Variants in FAR2 observed in about 807,000 individuals in gnomAD.
FAR2 encodes fatty acyl-CoA reductase 2.
In FAR2, 19 loss-of-function variants were observed where a neutral mutation model predicts 56.0. The ratio of observed to expected loss-of-function variants is 0.34; its 90% CI spans 0.24 to 0.50. The LOEUF is 0.50. FAR2 is among the 20% of genes least tolerant of loss of function. FAR2 has a pLI of 0.98. For synonymous variants in FAR2, 219 were observed against 218.8 expected (o/e 1.00, Z -0.01); for missense variants, 508 against 642.2 (o/e 0.79, Z 2.26).
intron 1 of FAR2, among the ~76,000 whole-genome samples, chr12:29,259,982 C>T (rs1054603713): frequency 1.1e-4 from 17 of 152,204 alleles, no homozygotes; most frequent in African/African-American, 2.2e-4. Context: ...TGAAAGGAGG[C>T]CATGACCCAG....
At chr12:29,161,616 G>A (rs1949782688) in intron 1 of FAR2, among the ~76,000 whole-genome samples, 1 of 152,192 alleles carries the variant, frequency 6.6e-6, no homozygotes, top group Non-Finnish European at 1.5e-5. Flanking sequence ...TCTTGAGAAT[G>A]TCTTTTGTTA....
intron 1 of FAR2, among the ~76,000 whole-genome samples, chr12:29,267,986 T>G (rs1346829894): frequency 6.6e-6 from 1 of 152,228 alleles, no homozygotes; most frequent in Non-Finnish European, 1.5e-5. Flanking sequence ...CTTCAGAACT[T>G]AGCATAGAGT....
chr12:29,183,451 G>A (rs963391526), intron 1 of FAR2, among the ~76,000 whole-genome samples: 5 of 152,056 alleles, frequency 3.3e-5, no homozygotes, highest in South Asian at 2.1e-4. Context: ...AGCCCAATTC[G>A]AACTCAAGAT....
intron 1 of FAR2, among the ~76,000 whole-genome samples, chr12:29,155,025 G>A (rs1325136725): frequency 6.6e-6 from 1 of 152,202 alleles, no homozygotes; most frequent in Non-Finnish European, 1.5e-5. Flanking sequence ...CTGTTAATAG[G>A]CATTAAGTTG....
rs368373691 is a variant in FAR2, at chr12:29,293,283, C to G, written c.190-17C>G. 1.3e-6 allele frequency: 2 copies of G among 1,525,474 alleles called. No homozygotes were observed. The highest frequency in any genetic ancestry group is 1.8e-6 in the Non-Finnish European group (2 of 1,135,218). 94.5% of individuals were successfully genotyped at this position (1,525,474 alleles called of 1,614,324 possible). A position where few individuals can be genotyped will look rare whatever the true frequency, so the allele number is the denominator to read the frequency against. On this transcript the variant is annotated splice_polypyrimidine_tract_variant and intron_variant, in intron 2 of 11. Coordinates refer to ENST00000536681, the MANE Select transcript of FAR2 (RefSeq NM_001271783.2). ...ATGGTGCTATTTTTTGTATATTGAT[C>G]TATATTTATGTTTCAGCTATTTGAG...
chr12:29,246,463 C>T (rs988939153), intron 1 of FAR2, among the ~76,000 whole-genome samples: 1 of 152,154 alleles, frequency 6.6e-6, no homozygotes. Flanking sequence ...CTTAGCTCCA[C>T]ACCTTTACAA....
chr12:29,316,924 T>C lies in FAR2; in HGVS notation c.1039T>C (p.Phe347Leu). ...RPNANFTSNS[F>L]TSQYWNAVSH... ...AAATGCTAATTTTACCAGCAACAGC[T>C]TCACATCACAGTACTGGAATGCGGT... is the stretch of plus-strand genomic sequence containing the variant. Residue 347 changes from phenylalanine (F) to leucine (L), a missense_variant, in exon 9 of 12, where the codon TTC becomes CTC. Coordinates refer to ENST00000536681, the MANE Select transcript of FAR2 (RefSeq NM_001271783.2). 6.2e-7 allele frequency: 1 copy of C among 1,614,144 alleles called. No individual in the cohort carries two copies. Among genetic ancestry groups the C allele is most frequent in the African/African-American group, 1.3e-5 (1 of 75,052 alleles).
intron 1 of FAR2, among the ~76,000 whole-genome samples, chr12:29,173,761 C>A (rs1243391728): frequency 6.6e-6 from 1 of 152,108 alleles, no homozygotes; most frequent in Admixed American, 6.6e-5. Flanking sequence ...CCCCACACCC[C>A]CCCTACCCAA....
intron 1 of FAR2, among the ~76,000 whole-genome samples, chr12:29,192,197 C>T (rs184195801): frequency 5.9e-4 from 90 of 152,346 alleles, no homozygotes; most frequent in Middle Eastern, 3.4e-3. Flanking sequence ...GAATTGCACA[C>T]CACAGTGAAT....
intron 4 of FAR2, among the ~76,000 whole-genome samples, chr12:29,298,320 T>A: frequency 6.6e-6 from 1 of 151,350 alleles, no homozygotes; most frequent in African/African-American, 2.4e-5. Context: ...AAAAACTATA[T>A]AAAAAGTATT....
At chr12:29,203,247 C>A (rs1457107634) in intron 1 of FAR2, among the ~76,000 whole-genome samples, 2 of 152,136 alleles carry the variant, frequency 1.3e-5, no homozygotes, top group Non-Finnish European at 1.5e-5. Flanking sequence ...TTCTAACAAG[C>A]CAGGACTCTC....
chr12:29,252,129 G>A (rs1189878908), intron 1 of FAR2, among the ~76,000 whole-genome samples: 1 of 152,180 alleles, frequency 6.6e-6, no homozygotes, highest in African/African-American at 2.4e-5. Flanking sequence ...CTGGGTTGGG[G>A]TGGTCAACCA....
intron 1 of FAR2, among the ~76,000 whole-genome samples, chr12:29,180,370 T>C (rs1383607457): frequency 6.6e-6 from 1 of 152,158 alleles, no homozygotes; most frequent in Non-Finnish European, 1.5e-5. Flanking sequence ...GTGCGCAAAA[T>C]GCCTCTGAGT....
At position 29,311,822 on chromosome 12, in the gene FAR2, A is replaced by AT; in HGVS notation, c.888-56dup. ...CTCTGTCTAAATATTATTTTTCCTT[A>AT]TTTTTCTCTCATTAGTTTTCTATTT... On this transcript the variant is annotated intron_variant, in intron 7 of 11. Coordinates refer to ENST00000536681, the MANE Select transcript of FAR2 (RefSeq NM_001271783.2). 9.8e-6 allele frequency: 12 copies of AT among 1,227,394 alleles called. No homozygotes were observed. The South Asian group carries it at 1.6e-4, about 16-fold the overall frequency. 76.0% of individuals were successfully genotyped at this position (1,227,394 alleles called of 1,614,324 possible).
intron 11 of FAR2, 150 bp from the exon 12 acceptor site, chr12:29,333,482 C>T (rs4930862): frequency 1 from 665,611 of 666,854 alleles, 332,194 homozygotes; most frequent in East Asian, 1. Flanking sequence ...AAATGAAAGA[C>T]GCAGAAACCA....
intron 1 of FAR2, among the ~76,000 whole-genome samples, chr12:29,178,322 G>C (rs1565683049): frequency 6.6e-6 from 1 of 152,186 alleles, no homozygotes; most frequent in Non-Finnish European, 1.5e-5. Context: ...AGGAGGGTGT[G>C]GTGGCTCATA....
chr12:29,194,074 G>C (rs1950124372), intron 1 of FAR2, among the ~76,000 whole-genome samples: 1 of 152,128 alleles, frequency 6.6e-6, no homozygotes, highest in Non-Finnish European at 1.5e-5. Flanking sequence ...TCTCTCCGTA[G>C]GTTAACCATT....
At chr12:29,283,362 G>A (rs1424646295) in intron 2 of FAR2, among the ~76,000 whole-genome samples, 4 of 151,960 alleles carry the variant, frequency 2.6e-5, no homozygotes, top group Non-Finnish European at 5.9e-5. Flanking sequence ...TCTATGGTGA[G>A]GAAAAATTAC....
At chr12:29,289,110 T>C (rs556570924) in intron 2 of FAR2, among the ~76,000 whole-genome samples, 1 of 152,268 alleles carries the variant, frequency 6.6e-6, no homozygotes, top group East Asian at 1.9e-4. Flanking sequence ...ATGTCCATAC[T>C]ACCATCCAAA....
Sources: gnomAD v4.1 joint callset for allele counts (sites outside exome capture counted in the v4.1 genomes callset) on GRCh38, gnomAD v4.1.1 for gene constraint, MANE v1.5 for transcripts, NCBI Gene and HGNC (gene_info 2026-07-23, HGNC 2026-07-21) for gene names.